Variants in GNL3L observed in about 807,000 individuals in gnomAD.
GNL3L encodes G protein nucleolar 3 like.
GNL3L carries 4 observed loss-of-function variants against 42.9 expected under a neutral mutation model. The observed-to-expected ratio is 0.09, with a 90% CI of 0.05 to 0.21. The LOEUF (loss-of-function observed/expected upper bound fraction) is 0.21. GNL3L is among the 10% of genes least tolerant of loss of function. GNL3L has a pLI of 1.00. For missense variants in GNL3L, 412 were observed against 481.7 expected, an observed-to-expected ratio of 0.86 and a Z score of 1.36; for synonymous variants, 159 against 176.3, an observed-to-expected ratio of 0.90 and a Z score of 0.78.
intron 16 of GNL3L, among the ~76,000 whole-genome samples, chrX:54,585,789 GT>G (rs903698778): frequency 9.2e-6 from 1 of 108,923 alleles, no homozygotes; most frequent in Non-Finnish European, 1.9e-5. Context: ...TTTGGCCTCA[GT>G]TTTTTTTTCT....
chrX:54,582,388 A>T (rs139474413), intron 16 of GNL3L, among the ~76,000 whole-genome samples: 120 of 111,678 alleles, frequency 1.1e-3, no homozygotes, highest in African/African-American at 3.8e-3. Context: ...TCTTTTCTTT[A>T]TAAATTACCT....
chrX:54,636,656 G>A, the GNL3L span, among the ~76,000 whole-genome samples: 1 of 111,504 alleles, frequency 9.0e-6, no homozygotes, highest in African/African-American at 3.3e-5. Context: ...ATTTGCTTAG[G>A]ATGATGACCT....
At chrX:54,544,463 C>T (rs1056297845) in intron 8 of GNL3L, 137 bp downstream of exon 8, 9 of 396,015 alleles carry the variant, frequency 2.3e-5, no homozygotes, top group East Asian at 1.3e-4. Context: ...TTTGCTCCAC[C>T]GAGTGACTTT....
chrX:54,626,727 T>A, the GNL3L span, among the ~76,000 whole-genome samples: 166 of 111,966 alleles, frequency 1.5e-3, 1 homozygote, highest in African/African-American at 5.2e-3. Flanking sequence ...TGATATGATA[T>A]CTCATTGTGG....
intron 16 of GNL3L, among the ~76,000 whole-genome samples, chrX:54,598,945 A>G (rs1408892232): frequency 8.9e-6 from 1 of 112,246 alleles, no homozygotes; most frequent in Non-Finnish European, 1.9e-5. Context: ...CAGAATAAAT[A>G]TTTGAAGTAA....
rs1267944007 is a variant in GNL3L at position 54,551,733 on chromosome X, C to T, written c.1029C>T (p.Asn343=). Reference sequence around the variant, plus strand: ...TGGAGACCATCCTGCAGCGCTGCAACCTGGAGGAGGTCCGCAGCAGAGCCC... The same window carrying T: ...TGGAGACCATCCTGCAGCGCTGCAATCTGGAGGAGGTCCGCAGCAGAGCCC... ...TPVETILQRC[N]LEEISNYYGV... is the part of the protein sequence containing the mutation. Residue 343 remains asparagine (N), a synonymous_variant, in exon 11 of 16, where the codon AAC becomes AAT. Transcript: ENST00000360845. The T allele has an allele frequency of 8.3e-7, 1 of 1,210,815 alleles. No homozygotes were observed. Among genetic ancestry groups the T allele is most frequent in the East Asian group, 3.0e-5 (1 of 33,822 alleles).
At chrX:54,534,254 C>T (rs1395885557) in intron 2 of GNL3L, among the ~76,000 whole-genome samples, 1 of 107,955 alleles carries the variant, frequency 9.3e-6, no homozygotes, top group Non-Finnish European at 1.9e-5. Flanking sequence ...GGGCTACGTT[C>T]TCTACCTACT....
chrX:54,558,538 G>GTCT lies in GNL3L; in HGVS notation c.1550_1552dup (p.Val517_Cys518insPhe), dbSNP rs1267692303. 2 of 1,207,699 alleles carry GTCT rather than the reference G, an allele frequency of 1.7e-6. No homozygotes were observed. Among genetic ancestry groups the GTCT allele is most frequent in the South Asian group, 3.5e-5 (2 of 56,889 alleles). On this transcript the variant is annotated inframe_insertion, in exon 15 of 16. Transcript: ENST00000360845. ...CCCTAAGAGCAACAGTATGGTGGAT[G>GTCT]TCTGCTCAGTGGACCGCCGCTCAGT...
chrX:54,537,896 A>G (rs189496577), intron 2 of GNL3L, among the ~76,000 whole-genome samples: 145 of 111,157 alleles, frequency 1.3e-3, no homozygotes, highest in African/African-American at 4.4e-3. Context: ...AGCATGCACC[A>G]CGGCACCCAG....
intron 13 of GNL3L, 80 bp downstream of exon 13, chrX:54,552,508 C>T (rs896718475): frequency 7.3e-5 from 69 of 939,304 alleles, no homozygotes; most frequent in Non-Finnish European, 1.0e-4. Flanking sequence ...CACTTTTGAC[C>T]TCCCGCTTCC....
chrX:54,556,283 T>G (rs952993079), intron 14 of GNL3L, among the ~76,000 whole-genome samples: 5 of 110,635 alleles, frequency 4.5e-5, no homozygotes, highest in Admixed American at 2.9e-4. Flanking sequence ...AGCAGGCACC[T>G]TCTTCACAAG....
At position 54,544,277 on chromosome X, in the gene GNL3L, T is replaced by G. The variant is rs375919093; in HGVS notation, c.581T>G (p.Leu194Trp). ...EKWLDYLRNE[L>W]PTVAFKASTQ... Reference sequence around the variant, plus strand: ...TGGCTGGATTACCTTCGGAATGAGTTGCCAACCGTGGCTTTCAAGGCCAGT... The same window carrying G: ...TGGCTGGATTACCTTCGGAATGAGTGGCCAACCGTGGCTTTCAAGGCCAGT... The change falls in exon 8 of 16, where the codon TTG becomes TGG. Residue 194 changes from leucine (L) to tryptophan (W), a missense_variant. Physicochemically the swap from Leu to Trp is moderately conservative, Grantham distance 61 (BLOSUM62 -2). Coordinates refer to ENST00000360845, the MANE Select transcript of GNL3L (RefSeq NM_001184819.2). 8.4e-7 allele frequency: 1 copy of G among 1,193,149 alleles called. No individual in the cohort carries two copies. Among genetic ancestry groups the G allele is most frequent in the African/African-American group, 1.8e-5 (1 of 56,637 alleles).
chrX:54,540,000 A>G (rs1310985983), intron 3 of GNL3L, 135 bp from the exon 4 acceptor site: 21 of 471,162 alleles, frequency 4.5e-5, no homozygotes, highest in Non-Finnish European at 7.2e-5. Context: ...AGGGGATGAG[A>G]GGATGAGAGG....
chrX:54,532,555 A>G lies in GNL3L; in HGVS notation c.-12A>G, dbSNP rs929044480. The G allele has an allele frequency of 1.7e-6, 2 of 1,189,121 alleles. No individual in the cohort carries two copies. Among genetic ancestry groups the G allele is most frequent in the Non-Finnish European group, 2.3e-6 (2 of 874,858 alleles). ...AGCAGATTTGAACCTATCTGCTTTC[A>G]AGCTGGTCATCATGATGAAACTTAG... On this transcript the variant is annotated 5_prime_UTR_variant, in exon 2 of 16. Coordinates refer to ENST00000360845, the MANE Select transcript of GNL3L (RefSeq NM_001184819.2).
chrX:54,601,821 G>A (rs913379649), intron 16 of GNL3L, among the ~76,000 whole-genome samples: 1 of 111,461 alleles, frequency 9.0e-6, no homozygotes, highest in South Asian at 3.7e-4. Context: ...CTATATAAAT[G>A]GAATTATAAA....
Position 54,581,097 on chromosome X carries a change from A to C in GNL3L, c.*45+20450A>C, listed in dbSNP as rs756033671. Among the ~76,000 whole-genome samples, 10 of 112,127 alleles carry C rather than the reference A, an allele frequency of 8.9e-5. No homozygotes were observed. In the East Asian group the frequency reaches 2.2e-3, roughly 25 times the overall value. On this transcript the variant is annotated intron_variant, in intron 16 of 16. Coordinates refer to the GNL3L transcript ENST00000674498. ...CGCCTGGCCTAAACTTTTAATTTTTAGATGCAGTTGTACAAAACAATACTG... is the reference window on the plus strand; with the variant it reads ...CGCCTGGCCTAAACTTTTAATTTTTCGATGCAGTTGTACAAAACAATACTG...
intron 16 of GNL3L, among the ~76,000 whole-genome samples, chrX:54,604,889 G>A (rs1004014394): frequency 1.8e-5 from 2 of 111,836 alleles, no homozygotes; most frequent in Non-Finnish European, 3.8e-5. Flanking sequence ...ATGAGTACGT[G>A]TAAAATGCTT....
intron 2 of GNL3L, among the ~76,000 whole-genome samples, chrX:54,538,167 G>C (rs1924500674): frequency 9.0e-6 from 1 of 110,777 alleles, no homozygotes; most frequent in African/African-American, 3.3e-5. Context: ...CTCCATCCTG[G>C]GCAATAGAGC....
intron 16 of GNL3L, among the ~76,000 whole-genome samples, chrX:54,590,111 T>TAG (rs1925847374): frequency 1.8e-5 from 2 of 110,964 alleles, no homozygotes; most frequent in East Asian, 5.7e-4. Context: ...AGCTAATTTT[T>TAG]GTATTTTTAG....
Sources: allele counts gnomAD v4.1 joint callset (sites outside exome capture counted in the v4.1 genomes callset), GRCh38; gene constraint gnomAD v4.1.1; transcripts MANE v1.5; gene names NCBI Gene and HGNC (gene_info 2026-07-23, HGNC 2026-07-21).